The following MBP variants were observed in gnomAD, a reference collection of about 807,000 sequenced individuals.
MBP encodes the protein myelin basic protein.
Under a neutral mutation model 35.8 loss-of-function variants are expected in MBP, and 16 were observed. The ratio of observed to expected loss-of-function variants is 0.45; its 90% confidence interval spans 0.30 to 0.68. The LOEUF (loss-of-function observed/expected upper bound fraction) is 0.68. Ranked by LOEUF, MBP falls within the 30% of genes least tolerant of loss-of-function variation. The probability of loss-of-function intolerance (pLI) is 0.08; values close to 1 mark genes in which losing one functional copy is unlikely to be tolerated. For synonymous variants in MBP, 143 were observed against 159.6 expected, an observed-to-expected ratio of 0.90 and a Z score of 0.78; for missense variants, 380 against 404.7, an observed-to-expected ratio of 0.94 and a Z score of 0.52.
intron 3 of MBP, among the ~76,000 whole-genome samples, chr18:77,043,954 G>A (rs986551030): frequency 5.3e-5 from 8 of 152,048 alleles, no homozygotes; most frequent in South Asian, 4.1e-4. Flanking sequence ...CAGACTCCCC[G>A]CACCCCTGCC....
intron 4 of MBP, among the ~76,000 whole-genome samples, chr18:76,995,942 A>G (rs898270415): frequency 5.3e-5 from 8 of 152,240 alleles, no homozygotes; most frequent in African/African-American, 1.9e-4. Context: ...TACGTATCTG[A>G]CAAAGGACTT....
At chr18:77,121,363 G>A (rs1193327021) in intron 1 of MBP, among the ~76,000 whole-genome samples, 6 of 152,112 alleles carry the variant, frequency 3.9e-5, no homozygotes, top group Non-Finnish European at 2.9e-5. Context: ...TATAGTACGT[G>A]TTATTTTGGT....
intron 3 of MBP, among the ~76,000 whole-genome samples, chr18:77,047,166 C>A (rs1973292620): frequency 6.6e-6 from 1 of 152,260 alleles, no homozygotes; most frequent in Non-Finnish European, 1.5e-5. Context: ...AGACCTATGT[C>A]CACGGGAAAC....
intron 3 of MBP, among the ~76,000 whole-genome samples, chr18:77,029,776 C>CCA (rs890176105): frequency 1.6e-4 from 21 of 132,046 alleles, no homozygotes; most frequent in East Asian, 6.8e-4. Context: ...CATAAAATGA[C>CCA]CACACACACA....
At chr18:77,065,389 G>GACTA (rs2144797915) in intron 3 of MBP, among the ~76,000 whole-genome samples, 1 of 152,238 alleles carries the variant, frequency 6.6e-6, no homozygotes, top group East Asian at 1.9e-4. Flanking sequence ...ATGACCTGAT[G>GACTA]ACTAGGTCTC....
At chr18:77,016,436 C>T in intron 4 of MBP, 1 of 1,041,032 alleles carries the variant, frequency 9.6e-7, no homozygotes, top group Non-Finnish European at 1.2e-6. Flanking sequence ...CGAGCATAAC[C>T]CAGTGTTGAA....
chr18:77,082,069 G>C (rs1256526496), intron 2 of MBP, among the ~76,000 whole-genome samples: 1 of 151,338 alleles, frequency 6.6e-6, no homozygotes, highest in East Asian at 2.0e-4. Context: ...AGCCGGGATG[G>C]TTTCGATCTC....
At chr18:76,986,131 G>C in intron 7 of MBP, 1 of 985,532 alleles carries the variant, frequency 1.0e-6, no homozygotes. Context: ...ACTGTCTGTG[G>C]GAAGGCTGAC....
intron 3 of MBP, among the ~76,000 whole-genome samples, chr18:77,053,590 C>T (rs952754542): frequency 2.0e-5 from 3 of 152,266 alleles, no homozygotes; most frequent in Admixed American, 6.5e-5. Flanking sequence ...GCACGAGCTG[C>T]GGGCACTTCT....
chr18:77,005,693 C>G (rs953522597), intron 4 of MBP: 3 of 152,484 alleles, frequency 2.0e-5, no homozygotes, highest in African/African-American at 7.2e-5. Flanking sequence ...AACTAAGGCC[C>G]CAGCACAGAA....
At chr18:77,057,844 T>TTTTTTTTTTTTTA (rs71172399) in intron 3 of MBP, among the ~76,000 whole-genome samples, 1 of 10,104 alleles carries the variant, frequency 9.9e-5, no homozygotes, top group Non-Finnish European at 1.5e-4. Flanking sequence ...TTTTTTTTTT[T>TTTTTTTTTTTTTA]GAGACGGAGT....
chr18:76,985,708 C>T (rs917711342), intron 7 of MBP: 16 of 1,013,214 alleles, frequency 1.6e-5, no homozygotes, highest in South Asian at 4.0e-5. Context: ...CTAGCTCATC[C>T]GGCTGTGTGG....
chr18:77,122,779 T>C (rs748987644), intron 1 of MBP, among the ~76,000 whole-genome samples: 19 of 152,242 alleles, frequency 1.2e-4, no homozygotes, highest in Non-Finnish European at 1.6e-4. Flanking sequence ...CTGACCTCAG[T>C]TGATCCTCCC....
At chr18:77,055,504 CCTTT>C (rs1568315991) in intron 3 of MBP, among the ~76,000 whole-genome samples, 1 of 152,036 alleles carries the variant, frequency 6.6e-6, no homozygotes, top group African/African-American at 2.4e-5. Flanking sequence ...TTTTCTTTTT[CCTTT>C]CTTTCCTTCC....
intron 1 of MBP, among the ~76,000 whole-genome samples, chr18:77,125,808 G>A (rs1447415783): frequency 6.6e-6 from 1 of 151,696 alleles, no homozygotes; most frequent in Non-Finnish European, 1.5e-5. Context: ...AGTGCTGAGA[G>A]GGAATTCATA....
chr18:77,007,772 C>T (rs750649597), intron 4 of MBP, among the ~76,000 whole-genome samples: 36 of 152,172 alleles, frequency 2.4e-4, no homozygotes, highest in Non-Finnish European at 3.8e-4. Flanking sequence ...ACCACCTTTC[C>T]GCGTGTGTCC....
chr18:77,110,117 C>T (rs1976400415), intron 1 of MBP: 1 of 152,216 alleles, frequency 6.6e-6, no homozygotes. Context: ...GTTTAGAAGA[C>T]TGAATCTAGC....
chr18:76,985,876 G>T, intron 7 of MBP: 1 of 988,716 alleles, frequency 1.0e-6, no homozygotes, highest in Non-Finnish European at 1.2e-6. Context: ...AGAGCAGGCC[G>T]CCCTGCCCTG....
chr18:77,062,868 C>G (rs1974038759), intron 3 of MBP, among the ~76,000 whole-genome samples: 1 of 152,194 alleles, frequency 6.6e-6, no homozygotes, highest in Admixed American at 6.5e-5. Context: ...TCACAGAGAT[C>G]TTAGGTATGC....
Sources: gnomAD v4.1 joint callset for allele counts (sites outside exome capture counted in the v4.1 genomes callset) on GRCh38, gnomAD v4.1.1 for gene constraint, MANE v1.5 for transcripts, NCBI Gene and HGNC (gene_info 2026-07-23, HGNC 2026-07-21) for gene names.